Variants in TBXAS1 observed in about 807,000 individuals in gnomAD.
The protein encoded by TBXAS1 is thromboxane-A synthase.
Under a neutral mutation model 60.7 loss-of-function variants are expected in TBXAS1, and 48 were observed. The ratio of observed to expected loss-of-function variants is 0.79; its 90% CI spans 0.63 to 1.01. The LOEUF (loss-of-function observed/expected upper bound fraction) is 1.01. Ranked by LOEUF, TBXAS1 falls within the 50% of genes least tolerant of loss-of-function variation. The pLI is 0.00. For synonymous variants in TBXAS1, 287 were observed against 269.7 expected (o/e 1.06, Z -0.63); for missense variants, 685 against 686.3 (o/e 1.00, Z 0.02).
intron 4 of TBXAS1, among the ~76,000 whole-genome samples, chr7:139,926,989 TTTTG>T (rs1229307965): frequency 1.3e-5 from 2 of 152,018 alleles, no homozygotes; most frequent in East Asian, 1.9e-4. Context: ...TTTTTTTGTT[TTTTG>T]TTTGTTTGTT....
intron 4 of TBXAS1, among the ~76,000 whole-genome samples, chr7:139,803,959 G>T (rs1430041087): frequency 6.6e-6 from 1 of 152,206 alleles, no homozygotes; most frequent in Non-Finnish European, 1.5e-5. Context: ...GAAAAGAAAT[G>T]TGGGTTTGGA....
intron 9 of TBXAS1, chr7:139,962,968 G>C (rs1363842984): frequency 6.6e-6 from 1 of 152,232 alleles, no homozygotes; most frequent in Non-Finnish European, 1.5e-5. Flanking sequence ...TGATATGATT[G>C]CTATTACATT....
chr7:140,006,276 C>T (rs563800435), intron 9 of TBXAS1, among the ~76,000 whole-genome samples: 6 of 152,282 alleles, frequency 3.9e-5, no homozygotes, highest in South Asian at 2.1e-4. Flanking sequence ...AATCCCAGTG[C>T]GCCCACACCC....
chr7:139,992,937 G>A (rs556169281), intron 9 of TBXAS1, among the ~76,000 whole-genome samples: 8 of 152,306 alleles, frequency 5.3e-5, no homozygotes, highest in East Asian at 1.9e-4. Context: ...TTGGGAGGCC[G>A]AGGTGGGTGG....
chr7:139,817,209 C>T (rs1359801544), intron 4 of TBXAS1, among the ~76,000 whole-genome samples: 8 of 151,982 alleles, frequency 5.3e-5, no homozygotes, highest in Non-Finnish European at 7.4e-5. Context: ...TGTCTCCCCC[C>T]GTCCCAGCCC....
chr7:140,018,300 G>A (rs896616427), intron 12 of TBXAS1, among the ~76,000 whole-genome samples: 11 of 152,082 alleles, frequency 7.2e-5, no homozygotes, highest in Non-Finnish European at 1.3e-4. Flanking sequence ...GACAGAGCAA[G>A]GTGCTGTCTG....
rs74771052 is a variant in TBXAS1 at position 139,995,938 on chromosome 7, C to T, written c.1135-11153C>T. Among the ~76,000 whole-genome samples, 950 of 152,244 alleles carry T rather than the reference C, an allele frequency of 6.2e-3. 14 individuals are homozygous for T. Among genetic ancestry groups the T allele is most frequent in the African/African-American group, 0.021 (881 of 41,528 alleles). ...ATCCCCTCTCTAACTACTCATCCTG[C>T]GACCCCACTGACTTGGTTTTGGCCT... On this transcript the variant is annotated intron_variant, in intron 9 of 12. Coordinates refer to ENST00000448866, the MANE Select transcript of TBXAS1 (RefSeq NM_001061.7).
chr7:139,897,278 A>G (rs1804182317), intron 3 of TBXAS1, among the ~76,000 whole-genome samples: 1 of 129,968 alleles, frequency 7.7e-6, no homozygotes, highest in Non-Finnish European at 1.6e-5. Context: ...AAGGCATGGG[A>G]GTGAGAGATC....
intron 3 of TBXAS1, among the ~76,000 whole-genome samples, chr7:139,878,599 A>G (rs1200160012): frequency 6.6e-6 from 1 of 152,202 alleles, no homozygotes; most frequent in Non-Finnish European, 1.5e-5. Flanking sequence ...CGGTGTAAAA[A>G]TGAAAGGGTT....
intron 10 of TBXAS1, 91 bp downstream of exon 10, chr7:140,007,273 T>C: frequency 2.5e-6 from 3 of 1,190,584 alleles, no homozygotes; most frequent in Non-Finnish European, 3.8e-6. Flanking sequence ...CTCCATCAGT[T>C]ACCACTTGTG....
At chr7:139,790,216 G>A (rs535406690) in intron 4 of TBXAS1, among the ~76,000 whole-genome samples, 1 of 152,296 alleles carries the variant, frequency 6.6e-6, no homozygotes, top group East Asian at 1.9e-4. Context: ...ATTTGCCTCA[G>A]CCATAAAGCT....
chr7:139,955,513 G>A lies in TBXAS1; in HGVS notation c.594G>A (p.Pro198=), dbSNP rs762292195. 3.9e-5 allele frequency: 63 copies of A among 1,614,080 alleles called. No individual in the cohort carries two copies. Among genetic ancestry groups the A allele is most frequent in the Admixed American group, 1.0e-4 (6 of 60,006 alleles). The part of the protein sequence containing the change: ...DVVASVAFGT[P]VDSWQAPEDP... ...TTGCCAGCGTCGCCTTTGGCACCCC[G>A]GTGGACTCCTGGCAGGCCCCTGAGG... The change falls in exon 7 of 13, where the codon CCG becomes CCA. Residue 198 remains proline (P), a synonymous_variant. Coordinates refer to ENST00000448866, the MANE Select transcript of TBXAS1 (RefSeq NM_001061.7).
chr7:139,853,352 A>T (rs1042161259), intron 1 of TBXAS1, among the ~76,000 whole-genome samples: 1 of 152,206 alleles, frequency 6.6e-6, no homozygotes, highest in African/African-American at 2.4e-5. Context: ...AGTGAGAAAC[A>T]GTAGGGCCTG....
chr7:139,959,888 C>A (rs148311312), intron 8 of TBXAS1, among the ~76,000 whole-genome samples: 1 of 152,138 alleles, frequency 6.6e-6, no homozygotes, highest in Non-Finnish European at 1.5e-5. Flanking sequence ...GCTCACTTCC[C>A]CTGCGTGCCA....
At chr7:140,019,388 C>T (rs1569525732) in intron 12 of TBXAS1, among the ~76,000 whole-genome samples, 1 of 152,186 alleles carries the variant, frequency 6.6e-6, no homozygotes, top group African/African-American at 2.4e-5. Context: ...TACAGTGCAG[C>T]AGCCAGACCA....
chr7:139,902,054 C>T (rs1197030240), intron 3 of TBXAS1, among the ~76,000 whole-genome samples: 2 of 87,624 alleles, frequency 2.3e-5, no homozygotes, highest in African/African-American at 4.7e-5. Flanking sequence ...GACTATAGTA[C>T]GTTATCAAAA....
chr7:139,805,387 C>T (rs1198789003), intron 4 of TBXAS1, among the ~76,000 whole-genome samples: 1 of 152,238 alleles, frequency 6.6e-6, no homozygotes, highest in East Asian at 1.9e-4. Flanking sequence ...TATTGCCTCA[C>T]TTGCTCCTGG....
chr7:139,917,915 A>C (rs1288369002), intron 4 of TBXAS1, among the ~76,000 whole-genome samples: 1 of 152,238 alleles, frequency 6.6e-6, no homozygotes, highest in African/African-American at 2.4e-5. Flanking sequence ...TCGTGGCAGA[A>C]GTAGAAATAA....
At chr7:139,842,311 C>T (rs1469161162) in intron 1 of TBXAS1, among the ~76,000 whole-genome samples, 4 of 152,118 alleles carry the variant, frequency 2.6e-5, no homozygotes, top group African/African-American at 9.7e-5. Flanking sequence ...TGATGTGTGT[C>T]CATTACTGAG....
Sources: allele counts gnomAD v4.1 joint callset (sites outside exome capture counted in the v4.1 genomes callset), GRCh38; gene constraint gnomAD v4.1.1; transcripts MANE v1.5; gene names NCBI Gene and HGNC (gene_info 2026-07-23, HGNC 2026-07-21).